Variants in PTPRD observed in about 807,000 individuals in gnomAD.
PTPRD encodes receptor-type tyrosine-protein phosphatase delta.
PTPRD carries 34 observed loss-of-function variants against 214.5 expected under a neutral mutation model. The observed-to-expected ratio is 0.16, with a 90% confidence interval of 0.12 to 0.21. The LOEUF (loss-of-function observed/expected upper bound fraction) is 0.21. PTPRD is among the 10% of genes least tolerant of loss of function. The pLI, the probability that PTPRD is intolerant of heterozygous loss-of-function variation, is 1.00. For synonymous variants in PTPRD, 1,128 were observed against 845.7 expected, an observed-to-expected ratio of 1.33 and a Z score of -5.79; for missense variants, 2,545 against 2,398.7, an observed-to-expected ratio of 1.06 and a Z score of -1.27.
At chr9:9,695,269 C>G (rs1376355019) in intron 7 of PTPRD, among the ~76,000 whole-genome samples, 1 of 152,142 alleles carries the variant, frequency 6.6e-6, no homozygotes, top group Non-Finnish European at 1.5e-5. Flanking sequence ...GCTATGTCCT[C>G]ACAACTCTGC....
At chr9:9,310,775 G>C (rs750797304) in intron 9 of PTPRD, among the ~76,000 whole-genome samples, 2 of 151,750 alleles carry the variant, frequency 1.3e-5, no homozygotes, top group African/African-American at 2.4e-5. Flanking sequence ...AAAATTAGCC[G>C]GGCATGGTGG....
chr9:8,343,994 G>A (rs1855067323), intron 39 of PTPRD, among the ~76,000 whole-genome samples: 1 of 152,010 alleles, frequency 6.6e-6, no homozygotes, highest in Non-Finnish European at 1.5e-5. Context: ...AAAGAGACAG[G>A]AAAATCACTT....
chr9:8,440,996 C>A (rs1351315991), intron 34 of PTPRD, among the ~76,000 whole-genome samples: 1 of 152,090 alleles, frequency 6.6e-6, no homozygotes, highest in East Asian at 1.9e-4. Flanking sequence ...CTGTACTATT[C>A]CGAGAACGGC....
chr9:8,600,207 T>C (rs1026622264), intron 14 of PTPRD, among the ~76,000 whole-genome samples: 1 of 152,142 alleles, frequency 6.6e-6, no homozygotes, highest in African/African-American at 2.4e-5. Context: ...GGAGGGGGCA[T>C]TTGGACTGGC....
chr9:8,352,500 C>A (rs1037613859), intron 39 of PTPRD, among the ~76,000 whole-genome samples: 1 of 152,184 alleles, frequency 6.6e-6, no homozygotes, highest in Non-Finnish European at 1.5e-5. Context: ...AAAGAGGAGA[C>A]AACCATTTAC....
At chr9:10,408,129 C>A (rs895453870) in intron 2 of PTPRD, among the ~76,000 whole-genome samples, 6 of 151,490 alleles carry the variant, frequency 4.0e-5, no homozygotes, top group Non-Finnish European at 8.9e-5. Flanking sequence ...TGTGTTTCTT[C>A]TACCTTTCTT....
chr9:9,627,423 T>C (rs1396508634), intron 7 of PTPRD, among the ~76,000 whole-genome samples: 1 of 152,234 alleles, frequency 6.6e-6, no homozygotes, highest in African/African-American at 2.4e-5. Context: ...GTTACTTTGC[T>C]CTGATGAGAG....
At chr9:9,338,420 A>C (rs2045454910) in intron 9 of PTPRD, among the ~76,000 whole-genome samples, 1 of 152,180 alleles carries the variant, frequency 6.6e-6, no homozygotes, top group African/African-American at 2.4e-5. Context: ...TACTGAACGA[A>C]ACTATTTTAG....
intron 11 of PTPRD, among the ~76,000 whole-genome samples, chr9:8,949,309 T>A: frequency 6.6e-6 from 1 of 151,572 alleles, no homozygotes; most frequent in African/African-American, 2.4e-5. Flanking sequence ...GTGGTAGAAA[T>A]AATTTATGAT....
Position 10,448,538 on chromosome 9 carries a change from G to C in PTPRD, c.-599-107521C>G, listed in dbSNP as rs72698992. ...AATATAATAGGAAGTGGGTAAAGTGGCAAGTGATAGTGAACACCTTAAATA... is the reference window on the plus strand; with the variant it reads ...AATATAATAGGAAGTGGGTAAAGTGCCAAGTGATAGTGAACACCTTAAATA... On this transcript the variant is annotated intron_variant, in intron 2 of 45. Coordinates refer to ENST00000381196, the MANE Select transcript of PTPRD (RefSeq NM_002839.4). Among the ~76,000 whole-genome samples, 308 of 152,086 alleles carry C rather than the reference G, an allele frequency of 2.0e-3. 1 individual carries two copies. Among genetic ancestry groups the C allele is most frequent in the Non-Finnish European group, 3.7e-3 (250 of 68,002 alleles).
At chr9:8,742,423 T>C (rs2092143824) in intron 11 of PTPRD, among the ~76,000 whole-genome samples, 1 of 152,308 alleles carries the variant, frequency 6.6e-6, no homozygotes, top group South Asian at 2.1e-4. Context: ...TATGAAACTA[T>C]CATTTCTACA....
In PTPRD at chr9:8,390,377, C is replaced by G. The variant is rs138735778; in HGVS notation, c.4211-970G>C. On this transcript the variant is annotated intron_variant, in intron 36 of 45. Transcript: ENST00000381196. ...CAATTATTAGAAAACATTTATTTCCCTCCTTAGCTCAATCCACATCCTAGA... is the reference window on the plus strand; with the variant it reads ...CAATTATTAGAAAACATTTATTTCCGTCCTTAGCTCAATCCACATCCTAGA... Among the ~76,000 whole-genome samples, 250 of 152,162 alleles carry G rather than the reference C, an allele frequency of 1.6e-3. 1 individual carries two copies. The highest frequency in any genetic ancestry group is 6.8e-3 in the Middle Eastern group (2 of 294).
intron 2 of PTPRD, among the ~76,000 whole-genome samples, chr9:10,546,292 G>C (rs760504236): frequency 6.6e-6 from 1 of 151,938 alleles, no homozygotes; most frequent in Non-Finnish European, 1.5e-5. Flanking sequence ...GCCTTGATAT[G>C]TGATATTATC....
In PTPRD at chr9:8,319,985, C is replaced by T. The variant is rs748061653; in HGVS notation, c.5535-19G>A. 26 of 1,609,242 alleles carry T rather than the reference C, an allele frequency of 1.6e-5. No homozygotes were observed. The highest frequency in any genetic ancestry group is 2.7e-5 in the African/African-American group (2 of 74,592). The stretch of plus-strand genomic sequence containing the variant: ...GCCCGCGCTGCCACAATAACAAAGG[C>T]GATGTTACTGGGTGAGATGTTCACA... On this transcript the variant is annotated intron_variant, in intron 44 of 45. Coordinates refer to ENST00000381196, the MANE Select transcript of PTPRD (RefSeq NM_002839.4).
chr9:9,094,125 C>T (rs2099780149), intron 10 of PTPRD, among the ~76,000 whole-genome samples: 1 of 152,002 alleles, frequency 6.6e-6, no homozygotes, highest in Non-Finnish European at 1.5e-5. Flanking sequence ...AAATGGTCAC[C>T]TGAATAGTCC....
At chr9:8,356,163 G>A (rs2076949280) in intron 39 of PTPRD, among the ~76,000 whole-genome samples, 1 of 151,934 alleles carries the variant, frequency 6.6e-6, no homozygotes. Flanking sequence ...AAAATATATG[G>A]AATTATCTTG....
At chr9:9,450,068 C>A (rs763271701) in intron 8 of PTPRD, among the ~76,000 whole-genome samples, 5 of 150,926 alleles carry the variant, frequency 3.3e-5, no homozygotes, top group African/African-American at 7.3e-5. Flanking sequence ...TTATTTTGTT[C>A]TGTTTTATGG....
At position 10,240,738 on chromosome 9, in the gene PTPRD, A is replaced by T. The variant is rs897978735; in HGVS notation, c.-545+100225T>A. On this transcript the variant is annotated intron_variant, in intron 3 of 45. Coordinates refer to ENST00000381196, the MANE Select transcript of PTPRD (RefSeq NM_002839.4). Reference sequence around the variant, plus strand: ...CAATAACCCCTAACAAATAACAGCTAAAATGATAAATCTGCATGAAGAAAA... The same window carrying T: ...CAATAACCCCTAACAAATAACAGCTTAAATGATAAATCTGCATGAAGAAAA... 2.6e-5 allele frequency among the ~76,000 whole-genome samples: 4 copies of T among 152,072 alleles called. No individual in the cohort carries two copies. In the East Asian group the frequency reaches 7.7e-4, roughly 29 times the overall value.
chr9:9,385,861 G>A (rs1387283555), intron 9 of PTPRD, among the ~76,000 whole-genome samples: 3 of 152,150 alleles, frequency 2.0e-5, no homozygotes, highest in Non-Finnish European at 4.4e-5. Flanking sequence ...GTAAATGTTA[G>A]AGGTGTCATT....
Sources: allele counts gnomAD v4.1 joint callset (sites outside exome capture counted in the v4.1 genomes callset), GRCh38; gene constraint gnomAD v4.1.1; transcripts MANE v1.5; gene names NCBI Gene and HGNC (gene_info 2026-07-23, HGNC 2026-07-21).